The following EPG5 variants were observed in gnomAD, a reference collection of about 807,000 sequenced individuals.
The protein encoded by EPG5 is ectopic P-granules 5 autophagy tethering factor.
EPG5 carries 159 observed loss-of-function variants against 302.7 expected under a neutral mutation model. The ratio of observed to expected loss-of-function variants is 0.53; its 90% CI spans 0.46 to 0.60. EPG5 has a LOEUF of 0.60. EPG5 is among the 20% of genes least tolerant of loss of function. The pLI, the probability that EPG5 is intolerant of heterozygous loss-of-function variation, is 0.00. For synonymous variants in EPG5, 1,158 were observed against 1,136.8 expected (o/e 1.02, Z -0.37); for missense variants, 2,896 against 3,092.4 (o/e 0.94, Z 1.51).
rs757435994 is a variant in EPG5 at position 45,923,375 on chromosome 18, G to C, written c.2731C>G (p.Leu911Val). 1 of 1,612,208 alleles carries C rather than the reference G, an allele frequency of 6.2e-7. No homozygotes were observed. Residue 911 changes from leucine to valine, a missense_variant, in exon 15 of 44, where the codon CTG becomes GTG. Coordinates refer to ENST00000282041, the MANE Select transcript of EPG5 (RefSeq NM_020964.3). The stretch of plus-strand genomic sequence containing the variant: ...ACTTCAGCATGGACTGCTTGATCCA[G>C]ATGAAGGGTAGCCTTTTAAAGAGAA... ...WGFAKQATLH[L>V]DQAVHAEVAL...
intron 27 of EPG5, among the ~76,000 whole-genome samples, chr18:45,892,405 A>G (rs1421317234): frequency 1.3e-5 from 2 of 152,246 alleles, no homozygotes; most frequent in Non-Finnish European, 2.9e-5. Flanking sequence ...AGTCATTTTA[A>G]GTGGACACAG....
chr18:45,927,651 T>C (rs887339765), intron 13 of EPG5, among the ~76,000 whole-genome samples: 8 of 150,596 alleles, frequency 5.3e-5, no homozygotes, highest in Admixed American at 2.0e-4. Flanking sequence ...GGAATTATTA[T>C]ACAGGCTTAA....
chr18:45,831,760 G>A, the EPG5 span, among the ~76,000 whole-genome samples: 5 of 148,496 alleles, frequency 3.4e-5, no homozygotes, highest in East Asian at 1.9e-4. Context: ...TTTTTTTGGC[G>A]GAGTTTCACT....
intron 31 of EPG5, among the ~76,000 whole-genome samples, chr18:45,881,975 C>T (rs2049108408): frequency 1.3e-5 from 2 of 152,186 alleles, no homozygotes; most frequent in African/African-American, 2.4e-5. Context: ...TCCCACCCCA[C>T]TTCAAGACAG....
chr18:45,829,101 G>A, the EPG5 span: 29 of 985,714 alleles, frequency 2.9e-5, no homozygotes, highest in East Asian at 2.3e-4. Flanking sequence ...AGGCTACATC[G>A]GGACTCTGAA....
At chr18:45,837,396 G>A in the EPG5 span, 1 of 1,351,536 alleles carries the variant, frequency 7.4e-7, no homozygotes, top group Non-Finnish European at 9.6e-7. Flanking sequence ...CCTGAGTCCT[G>A]GGGTTTCCAG....
chr18:45,845,546 A>G (rs693322), downstream of EPG5, among the ~76,000 whole-genome samples: 120,573 of 152,194 alleles, frequency 0.79, 48,531 homozygotes, highest in African/African-American at 0.93. Context: ...TCCCCCACCC[A>G]CCCTCTCAGA....
Position 45,860,306 on chromosome 18 carries a change from G to C in EPG5, c.6807C>G (p.Leu2269=). The part of the protein sequence containing the change: ...SQTRHMALSS[L]FMEVLMMMNN... ...TCATCATCATCAGGACTTCCATAAAGAGGCTGCTGAGGGCCATGTGGCGGG... is the reference window on the plus strand; with the variant it reads ...TCATCATCATCAGGACTTCCATAAACAGGCTGCTGAGGGCCATGTGGCGGG... The change falls in exon 40 of 44, where the codon CTC becomes CTG. Residue 2269 remains leucine, a synonymous_variant. Transcript: ENST00000282041. 1 of 1,614,222 alleles carries C rather than the reference G, an allele frequency of 6.2e-7. No homozygotes were observed. The highest frequency in any genetic ancestry group is 8.5e-7 in the Non-Finnish European group (1 of 1,180,050).
intron 7 of EPG5, among the ~76,000 whole-genome samples, chr18:45,946,432 A>T (rs1424764476): frequency 1.3e-5 from 2 of 152,248 alleles, no homozygotes; most frequent in African/African-American, 4.8e-5. Flanking sequence ...ACTGGCTCAA[A>T]GCATAGGCTC....
At chr18:45,893,906 A>G (rs762994914) in intron 27 of EPG5, among the ~76,000 whole-genome samples, 20 of 152,182 alleles carry the variant, frequency 1.3e-4, no homozygotes, top group Non-Finnish European at 2.1e-4. Flanking sequence ...AAAATTCCCC[A>G]AAGTAGTTAA....
At chr18:45,875,097 T>A (rs911940149) in intron 35 of EPG5, among the ~76,000 whole-genome samples, 1 of 152,196 alleles carries the variant, frequency 6.6e-6, no homozygotes, top group Non-Finnish European at 1.5e-5. Flanking sequence ...GGGTTTCATT[T>A]CATGTAACTG....
rs2049183444 is a variant in EPG5, at chr18:45,884,822, T to C, written c.5110-11A>G. ...GCCACTGATAAATACCTTGGAAAAA[T>C]AAAAAGGAAAAATGTCACCAGATTC... On this transcript the variant is annotated splice_polypyrimidine_tract_variant and intron_variant, in intron 29 of 43. Transcript: ENST00000282041. 1 of 1,508,296 alleles carries C rather than the reference T, an allele frequency of 6.6e-7. No individual in the cohort carries two copies. The highest frequency in any genetic ancestry group is 2.6e-5 in the East Asian group (1 of 38,396). 93.4% of individuals were successfully genotyped at this position (1,508,296 alleles called of 1,614,324 possible). A position where few individuals can be genotyped will look rare whatever the true frequency, so the allele number is the denominator to read the frequency against.
the EPG5 span, chr18:45,825,583 G>A: frequency 6.0e-5 from 45 of 748,350 alleles, no homozygotes; most frequent in African/African-American, 3.3e-4. Context: ...CAGTTCCTCC[G>A]GCTCCCGCAG....
rs908310697 is a variant in EPG5, at chr18:45,848,411, T to C, written c.*4056A>G. On this transcript the variant is annotated 3_prime_UTR_variant, in exon 44 of 44. Transcript: ENST00000282041. ...ATCTGTCTTGGGCAACAACTGATAT[T>C]AAGCTGAGGTCTGCAGTCTCAACTT... 1 of 152,250 alleles carries C rather than the reference T, an allele frequency of 6.6e-6. No homozygotes were observed. Among genetic ancestry groups the C allele is most frequent in the Non-Finnish European group, 1.5e-5 (1 of 68,048 alleles). The allele number at this position is 152,250 out of a possible 1,614,324, so 9.4% of individuals were successfully genotyped here. A position where few individuals can be genotyped will look rare whatever the true frequency, so the allele number is the denominator to read the frequency against.
rs1246587394 is a variant in EPG5 at position 45,849,360 on chromosome 18, C to T, written c.*3107G>A. 4 of 152,274 alleles carry T rather than the reference C, an allele frequency of 2.6e-5. No homozygotes were observed. The highest frequency in any genetic ancestry group is 9.7e-5 in the African/African-American group (4 of 41,434). The allele number at this position is 152,274 out of a possible 1,614,324, so 9.4% of individuals were successfully genotyped here. ...CCATCACAGGCTGGACCACCAGGCA[C>T]TGGACAGGGGCAGAGGAGAGGCAGG... On this transcript the variant is annotated 3_prime_UTR_variant, in exon 44 of 44. Transcript: ENST00000282041.
the EPG5 span, among the ~76,000 whole-genome samples, chr18:45,811,969 G>C: frequency 6.6e-6 from 1 of 152,166 alleles, no homozygotes; most frequent in African/African-American, 2.4e-5. Context: ...AAAAGAGGAA[G>C]TCAAATTGTC....
intron 1 of EPG5, among the ~76,000 whole-genome samples, chr18:45,962,311 T>C (rs923106121): frequency 6.6e-5 from 10 of 152,202 alleles, no homozygotes; most frequent in African/African-American, 2.4e-4. Flanking sequence ...TGTGACCTTC[T>C]GGGACACATC....
chr18:45,920,019 T>G (rs1249381017), intron 16 of EPG5, among the ~76,000 whole-genome samples: 1 of 152,132 alleles, frequency 6.6e-6, no homozygotes, highest in African/African-American at 2.4e-5. Context: ...CTTTCAAATC[T>G]CTCCATAATT....
chr18:45,963,684 T>G (rs1302481674), intron 1 of EPG5, among the ~76,000 whole-genome samples: 1 of 152,116 alleles, frequency 6.6e-6, no homozygotes, highest in African/African-American at 2.4e-5. Context: ...GTGGTAGAAC[T>G]GAGGCTGAGG....
Sources: gnomAD v4.1 joint callset for allele counts (sites outside exome capture counted in the v4.1 genomes callset) on GRCh38, gnomAD v4.1.1 for gene constraint, MANE v1.5 for transcripts, NCBI Gene and HGNC (gene_info 2026-07-23, HGNC 2026-07-21) for gene names.